Variants in TCF4 observed in about 807,000 individuals in gnomAD.
TCF4 encodes SL3-3 enhancer factor 2.
A neutral mutation model predicts 82.1 loss-of-function variants in TCF4; 3 were observed. The ratio of observed to expected loss-of-function variants is 0.04; its 90% CI spans 0.02 to 0.09. TCF4 has a LOEUF of 0.09. TCF4 is among the 10% of genes least tolerant of loss of function. The probability of loss-of-function intolerance (pLI) is 1.00; values close to 1 mark genes in which losing one functional copy is unlikely to be tolerated. For missense variants in TCF4, 518 were observed against 852.7 expected, an observed-to-expected ratio of 0.61 and a Z score of 4.89; for synonymous variants, 276 against 309.6, an observed-to-expected ratio of 0.89 and a Z score of 1.14.
At chr18:55,558,156 G>A (rs2097321640) in intron 3 of TCF4, among the ~76,000 whole-genome samples, 2 of 152,126 alleles carry the variant, frequency 1.3e-5, no homozygotes, top group Non-Finnish European at 1.5e-5. Flanking sequence ...AGGCTGCAGT[G>A]AGCTAGGATC....
At chr18:55,457,697 G>A (rs1309113143) in intron 5 of TCF4, among the ~76,000 whole-genome samples, 1 of 152,070 alleles carries the variant, frequency 6.6e-6, no homozygotes, top group African/African-American at 2.4e-5. Flanking sequence ...ATGTTGCCTA[G>A]GCTAAAACAC....
At position 55,232,653 on chromosome 18, in the gene TCF4, T is replaced by G. The variant is rs758205600; in HGVS notation, c.1505A>C (p.Gln502Pro). Residue 502 changes from glutamine (Q) to proline (P), a missense_variant, in exon 17 of 20, where the codon CAG becomes CCG. Transcript: ENST00000354452. ...GCTGCCAGAGGAGACACTCTGCCCC[T>G]GTAGTCCTGGTGGCATGCCTGCCGA... is the stretch of plus-strand genomic sequence containing the variant. The part of the protein sequence containing the change: ...DPYRGMPPGL[Q>P]GQSVSSGSSE... The G allele has an allele frequency of 6.2e-7, 1 of 1,614,214 alleles. No homozygotes were observed. The highest frequency in any genetic ancestry group is 8.5e-7 in the Non-Finnish European group (1 of 1,180,028).
rs149330627 is a variant in TCF4, at chr18:55,465,463, T to A, written c.146-1326A>T. 3.1e-4 allele frequency among the ~76,000 whole-genome samples: 47 copies of A among 152,204 alleles called. No individual in the cohort carries two copies. The East Asian group carries it at 9.1e-3, about 29-fold the overall frequency. ...TATTATTTCACTTCCTTTTAGTTGG[T>A]GCTTCAGCAGATAACACAAACTGCA... On this transcript the variant is annotated intron_variant, in intron 3 of 19. Transcript: ENST00000354452.
intron 3 of TCF4, among the ~76,000 whole-genome samples, chr18:55,578,705 A>G (rs999196215): frequency 6.6e-6 from 1 of 152,196 alleles, no homozygotes; most frequent in Admixed American, 6.5e-5. Context: ...TTAAAAAGTA[A>G]CGTACAAATA....
Position 55,226,062 on chromosome 18 carries a change from A to G in TCF4, c.*1973T>C, listed in dbSNP as rs1012419132. On this transcript the variant is annotated 3_prime_UTR_variant, in exon 20 of 20. Coordinates refer to ENST00000354452, the MANE Select transcript of TCF4 (RefSeq NM_001083962.2). The stretch of plus-strand genomic sequence containing the variant: ...AAACTGATACAATGTATTAAAACAC[A>G]TAATAACAAGAGTCTACATGTAAAA... 8.5e-5 allele frequency: 13 copies of G among 152,588 alleles called. No homozygotes were observed. Among genetic ancestry groups the G allele is most frequent in the African/African-American group, 3.1e-4 (13 of 41,450 alleles). The allele number at this position is 152,588 out of a possible 1,614,324, so 9.5% of individuals were successfully genotyped here.
chr18:55,315,057 G>A (rs1161851331), intron 8 of TCF4, among the ~76,000 whole-genome samples: 1 of 152,066 alleles, frequency 6.6e-6, no homozygotes, highest in Non-Finnish European at 1.5e-5. Flanking sequence ...ACCTCAACAT[G>A]CCCTCTCTCA....
chr18:55,463,980 G>GAGAC (rs2095943176), intron 4 of TCF4, 96 bp downstream of exon 4: 1 of 366,740 alleles, frequency 2.7e-6, no homozygotes, highest in Non-Finnish European at 4.1e-6. Context: ...GTGTGTGTGA[G>GAGAC]AGAGAGAGAG....
At chr18:55,606,433 C>G (rs1425124327) in intron 2 of TCF4, among the ~76,000 whole-genome samples, 1 of 152,108 alleles carries the variant, frequency 6.6e-6, no homozygotes, top group Non-Finnish European at 1.5e-5. Context: ...AGCCCAGAAC[C>G]ATAACTCAAA....
intron 4 of TCF4, 89 bp downstream of exon 4, chr18:55,463,973 TGTGTGAGAGAGAGA>T: frequency 3.6e-6 from 1 of 277,686 alleles, no homozygotes; most frequent in Non-Finnish European, 6.7e-6. Flanking sequence ...TGTGTGTGTG[TGTGTGAGAGAGAGA>T]GAGAGAGAGA....
intron 13 of TCF4, among the ~76,000 whole-genome samples, chr18:55,258,036 A>G (rs2057265027): frequency 6.6e-6 from 1 of 152,180 alleles, no homozygotes; most frequent in African/African-American, 2.4e-5. Flanking sequence ...AACACTTTAA[A>G]TGTAAAATAA....
intron 8 of TCF4, among the ~76,000 whole-genome samples, chr18:55,318,090 T>G (rs2074590805): frequency 6.6e-6 from 1 of 152,144 alleles, no homozygotes; most frequent in Non-Finnish European, 1.5e-5. Context: ...TGGCGAGAGC[T>G]GATGATGTGA....
intron 1 of TCF4, among the ~76,000 whole-genome samples, chr18:55,634,412 G>A (rs961229913): frequency 6.6e-6 from 1 of 151,388 alleles, no homozygotes; most frequent in Non-Finnish European, 1.5e-5. Flanking sequence ...TTTTTTAGTT[G>A]TGAAAACTGA....
At chr18:55,396,888 A>T (rs2093528863) in intron 6 of TCF4, among the ~76,000 whole-genome samples, 1 of 152,234 alleles carries the variant, frequency 6.6e-6, no homozygotes, top group Admixed American at 6.5e-5. Flanking sequence ...TGTTAAAATG[A>T]ATGATGAAAG....
chr18:55,272,009 T>C (rs73488970), intron 10 of TCF4, among the ~76,000 whole-genome samples: 10,153 of 152,146 alleles, frequency 0.067, 451 homozygotes, highest in African/African-American at 0.12. Flanking sequence ...AGAAGAATTA[T>C]AAATATTTAA....
intron 8 of TCF4, among the ~76,000 whole-genome samples, chr18:55,324,184 T>C (rs114511361): frequency 0.01 from 1,578 of 152,342 alleles, 40 homozygotes; most frequent in African/African-American, 0.035. Context: ...CTGGGCTTCA[T>C]TGCCTAATGG....
intron 3 of TCF4, among the ~76,000 whole-genome samples, chr18:55,558,040 A>G (rs1028086392): frequency 6.6e-6 from 1 of 152,088 alleles, no homozygotes; most frequent in Non-Finnish European, 1.5e-5. Context: ...TTCAATTTCT[A>G]CAAAAAGTTT....
intron 1 of TCF4, among the ~76,000 whole-genome samples, chr18:55,632,131 C>T (rs779017053): frequency 1.8e-4 from 27 of 152,186 alleles, no homozygotes; most frequent in Non-Finnish European, 4.0e-4. Context: ...CTCCGCCTCC[C>T]GGGTTCAGGC....
rs1555676448 is a variant in TCF4, at chr18:55,468,890, C to CG, written c.146-4754_146-4753insC. Among the ~76,000 whole-genome samples the CG allele has an allele frequency of 1.1e-3, 143 of 131,228 alleles. 2 individuals carry two copies. The highest frequency in any genetic ancestry group is 3.7e-3 in the African/African-American group (133 of 36,200). 86.1% of individuals were successfully genotyped at this position (131,228 alleles called of 152,430 possible). A position where few individuals can be genotyped will look rare whatever the true frequency, so the allele number is the denominator to read the frequency against. On this transcript the variant is annotated intron_variant, in intron 3 of 19. Coordinates refer to ENST00000354452, the MANE Select transcript of TCF4 (RefSeq NM_001083962.2). ...AATCTATTTAGTTCTCGCCCCCCCCCCCCTTGTTCTATTGCCACCCTTTTT... is the reference window on the plus strand; with the variant it reads ...AATCTATTTAGTTCTCGCCCCCCCCCGCCCTTGTTCTATTGCCACCCTTTTT...
rs200800656 is a variant in TCF4, at chr18:55,275,721, G to T, written c.687C>A (p.Ser229=). The T allele has an allele frequency of 9.0e-5, 145 of 1,613,850 alleles. No individual in the cohort carries two copies. The East Asian group carries it at 3.1e-3, about 35-fold the overall frequency. The change falls in exon 10 of 20, where the codon TCC becomes TCA. Residue 229 remains serine, a synonymous_variant. Transcript: ENST00000354452. ...AGCCAGGCTGATTCATCCCACTGGA[G>T]GAGCTCCAAGGGTCACTGCTGTGAT... ...DGHHSSDPWS[S]SSGMNQPGYA... is the part of the protein sequence containing the mutation.
Sources: gnomAD v4.1 joint callset for allele counts (sites outside exome capture counted in the v4.1 genomes callset) on GRCh38, gnomAD v4.1.1 for gene constraint, MANE v1.5 for transcripts, NCBI Gene and HGNC (gene_info 2026-07-23, HGNC 2026-07-21) for gene names.